Variants in PALLD observed in about 807,000 individuals in gnomAD.
The protein encoded by PALLD is palladin, cytoskeletal associated protein.
In PALLD, 61 loss-of-function variants were observed where a neutral mutation model predicts 123.5. The observed-to-expected ratio is 0.49, with a 90% CI of 0.40 to 0.61. The LOEUF (loss-of-function observed/expected upper bound fraction) is 0.61. Ranked by LOEUF, PALLD falls within the 20% of genes least tolerant of loss-of-function variation. The pLI is 0.00. For missense variants in PALLD, 1,273 were observed against 1,377.0 expected (o/e 0.92, Z 1.20); for synonymous variants, 465 against 496.4 (o/e 0.94, Z 0.84).
rs72621978 is a variant in PALLD at position 168,834,084 on chromosome 4, C to T, written c.1965-56838C>T. 7.4e-3 allele frequency among the ~76,000 whole-genome samples: 1,124 copies of T among 151,536 alleles called. 45 individuals are homozygous for T. The East Asian group carries it at 0.13, about 17-fold the overall frequency. On this transcript the variant is annotated intron_variant, in intron 10 of 21. Coordinates refer to ENST00000505667, the MANE Select transcript of PALLD (RefSeq NM_001166108.2). ...GGAGTGGGGTTGGTTTCCCAGTGAC[C>T]GCATTCATTAAGAAACTGGGCATGT...
rs1298832257 is a variant in PALLD, at chr4:168,804,620, A to G, written c.1965-86302A>G. Among the ~76,000 whole-genome samples, 4 of 152,218 alleles carry G rather than the reference A, an allele frequency of 2.6e-5. No individual in the cohort carries two copies. The East Asian group carries it at 7.7e-4, about 29-fold the overall frequency. Reference sequence around the variant, plus strand: ...TAGGCAGTGACAGTTAAACAGTTGCAAAGACCTATTTTCAGAGGCATGTAC... The same window carrying G: ...TAGGCAGTGACAGTTAAACAGTTGCGAAGACCTATTTTCAGAGGCATGTAC... On this transcript the variant is annotated intron_variant, in intron 10 of 21. Transcript: ENST00000505667.
In PALLD at chr4:168,512,188, G is replaced by A. The variant is rs1580055170; in HGVS notation, c.684G>A (p.Gly228=). The A allele has an allele frequency of 6.2e-7, 1 of 1,613,780 alleles. No homozygotes were observed. The highest frequency in any genetic ancestry group is 1.6e-4 in the Middle Eastern group (1 of 6,062). ...GCCAGAGCCCTATGGAAGACCAAGG[G>A]GAGATGGAAAGAGAGGTCAAGTCCC... The part of the protein sequence containing the change: ...SASQSPMEDQ[G]EMEREVKSPG... Residue 228 remains glycine, a synonymous_variant, in exon 2 of 22, where the codon GGG becomes GGA. Coordinates refer to ENST00000505667, the MANE Select transcript of PALLD (RefSeq NM_001166108.2).
At chr4:168,667,664 T>G (rs1779786381) in intron 2 of PALLD, among the ~76,000 whole-genome samples, 1 of 152,210 alleles carries the variant, frequency 6.6e-6, no homozygotes, top group East Asian at 1.9e-4. Flanking sequence ...CTAGAAAGTT[T>G]TGTAAATATC....
chr4:168,759,161 A>G (rs1732328512), intron 10 of PALLD, among the ~76,000 whole-genome samples: 1 of 121,292 alleles, frequency 8.2e-6, no homozygotes, highest in African/African-American at 3.0e-5. Context: ...CCTGGGTGAC[A>G]AGAGTGAGAC....
chr4:168,676,353 G>A (rs1237932652), intron 3 of PALLD, among the ~76,000 whole-genome samples: 3 of 151,622 alleles, frequency 2.0e-5, no homozygotes, highest in Admixed American at 6.6e-5. Context: ...GGTAATTATA[G>A]CAACTGATTT....
At chr4:168,642,816 G>T (rs1777090937) in intron 2 of PALLD, among the ~76,000 whole-genome samples, 1 of 152,210 alleles carries the variant, frequency 6.6e-6, no homozygotes, top group South Asian at 2.1e-4. Flanking sequence ...CCAACACAGT[G>T]GGAAGAAACT....
chr4:168,636,280 A>G (rs753660313), intron 2 of PALLD, among the ~76,000 whole-genome samples: 6 of 152,288 alleles, frequency 3.9e-5, no homozygotes, highest in Non-Finnish European at 8.8e-5. Context: ...TGAGGCCAGG[A>G]GTTCTGACAC....
chr4:168,600,263 G>GT, intron 2 of PALLD, among the ~76,000 whole-genome samples: 1 of 152,120 alleles, frequency 6.6e-6, no homozygotes, highest in Admixed American at 6.5e-5. Flanking sequence ...TTTTTCAACA[G>GT]TTACATGTTC....
intron 10 of PALLD, among the ~76,000 whole-genome samples, chr4:168,766,636 G>A (rs1301322972): frequency 1.3e-5 from 2 of 152,222 alleles, no homozygotes; most frequent in Admixed American, 6.5e-5. Flanking sequence ...ATAATGCGGG[G>A]GAAAGAGTAT....
chr4:168,653,693 C>T (rs1016789894), intron 2 of PALLD, among the ~76,000 whole-genome samples: 3 of 152,076 alleles, frequency 2.0e-5, no homozygotes, highest in Admixed American at 6.5e-5. Context: ...TTATCGTTTG[C>T]TTGTTTGTTT....
At chr4:168,757,845 G>A (rs1023342402) in intron 10 of PALLD, among the ~76,000 whole-genome samples, 1 of 152,230 alleles carries the variant, frequency 6.6e-6, no homozygotes, top group African/African-American at 2.4e-5. Flanking sequence ...GCCGAGGTGG[G>A]AGGATCACCC....
rs201956363 is a variant in PALLD at position 168,717,937 on chromosome 4, TAGG to T, written c.1964+6019_1964+6021del. 7.7e-3 allele frequency among the ~76,000 whole-genome samples: 1,177 copies of T among 152,296 alleles called. 16 individuals are homozygous for T. The highest frequency in any genetic ancestry group is 0.026 in the African/African-American group (1,096 of 41,562). ...TGAAAAATGAGACATTCGGAAGGAC[TAGG>T]AGGACATTTTCACTCTCTAGTACAT... On this transcript the variant is annotated intron_variant, in intron 10 of 21. Coordinates refer to ENST00000505667, the MANE Select transcript of PALLD (RefSeq NM_001166108.2).
At chr4:168,906,570 A>G (rs897295316) in intron 15 of PALLD, among the ~76,000 whole-genome samples, 2 of 152,332 alleles carry the variant, frequency 1.3e-5, no homozygotes, top group Middle Eastern at 3.4e-3. Context: ...ATAATATCAC[A>G]TTGTACCCCA....
At chr4:168,917,251 TA>T (rs1760364976) in intron 17 of PALLD, among the ~76,000 whole-genome samples, 1 of 151,766 alleles carries the variant, frequency 6.6e-6, no homozygotes, top group African/African-American at 2.4e-5. Context: ...GGTTTCACCA[TA>T]TTGGCCAGGC....
At chr4:168,883,109 C>T (rs1416955749) in intron 10 of PALLD, among the ~76,000 whole-genome samples, 2 of 150,712 alleles carry the variant, frequency 1.3e-5, no homozygotes, top group African/African-American at 4.9e-5. Context: ...AAAAAAGTAA[C>T]CCACGTGCCT....
At chr4:168,597,681 GAA>G (rs773500959) in intron 2 of PALLD, among the ~76,000 whole-genome samples, 12 of 151,760 alleles carry the variant, frequency 7.9e-5, no homozygotes, top group Non-Finnish European at 1.5e-4. Flanking sequence ...TTTGATATTT[GAA>G]AAAGTTTCTT....
At chr4:168,668,044 T>C in intron 2 of PALLD, 146 bp from the exon 3 acceptor site, 1 of 689,446 alleles carries the variant, frequency 1.5e-6, no homozygotes. Flanking sequence ...TTGTAGAGTT[T>C]CCATTAGTAA....
At position 168,768,468 on chromosome 4, in the gene PALLD, T is replaced by C. The variant is rs555985135; in HGVS notation, c.1964+56545T>C. 2.0e-5 allele frequency among the ~76,000 whole-genome samples: 3 copies of C among 152,306 alleles called. No homozygotes were observed. In the South Asian group the frequency reaches 6.2e-4, roughly 32 times the overall value. ...AGGATAGAGGGAAGAAACAAAGATA[T>C]GTTCTATTTAGTAGGTTCAGGGCAA... On this transcript the variant is annotated intron_variant, in intron 10 of 21. Coordinates refer to ENST00000505667, the MANE Select transcript of PALLD (RefSeq NM_001166108.2).
At chr4:168,815,595 G>A (rs1741785085) in intron 10 of PALLD, among the ~76,000 whole-genome samples, 1 of 148,814 alleles carries the variant, frequency 6.7e-6, no homozygotes, top group Non-Finnish European at 1.5e-5. Context: ...TCGACTGAAT[G>A]GTAACAAGGC....
Sources: gnomAD v4.1 joint callset for allele counts (sites outside exome capture counted in the v4.1 genomes callset) on GRCh38, gnomAD v4.1.1 for gene constraint, MANE v1.5 for transcripts, NCBI Gene and HGNC (gene_info 2026-07-23, HGNC 2026-07-21) for gene names.